The following PARD3B variants were observed in gnomAD, a reference collection of about 807,000 sequenced individuals.
The protein encoded by PARD3B is partitioning defective 3 homolog B.
A neutral mutation model predicts 130.2 loss-of-function variants in PARD3B; 103 were observed. That is an observed-to-expected ratio of 0.79 (90% CI 0.67 to 0.93). PARD3B has a LOEUF of 0.93. Ranked by LOEUF, PARD3B falls within the 40% of genes least tolerant of loss-of-function variation. The pLI is 0.00. For synonymous variants in PARD3B, 583 were observed against 553.2 expected, an observed-to-expected ratio of 1.05 and a Z score of -0.76; for missense variants, 1,609 against 1,499.2, an observed-to-expected ratio of 1.07 and a Z score of -1.21.
intron 3 of PARD3B, among the ~76,000 whole-genome samples, chr2:205,002,149 A>G (rs1357324529): frequency 1.3e-5 from 2 of 152,222 alleles, no homozygotes; most frequent in African/African-American, 4.8e-5. Context: ...TGTGGTAGAT[A>G]GCATTTATAG....
At chr2:205,198,360 A>G (rs558570869) in intron 15 of PARD3B, among the ~76,000 whole-genome samples, 1 of 152,332 alleles carries the variant, frequency 6.6e-6, no homozygotes, top group Non-Finnish European at 1.5e-5. Flanking sequence ...CTGACAATGA[A>G]GATTGTTAAC....
At chr2:205,365,380 C>CAA (rs781407029) in intron 18 of PARD3B, among the ~76,000 whole-genome samples, 2,424 of 45,642 alleles carry the variant, frequency 0.053, 35 homozygotes, top group Non-Finnish European at 0.086. Flanking sequence ...GACTCCGTCT[C>CAA]AGAAAAAAAA....
intron 2 of PARD3B, among the ~76,000 whole-genome samples, chr2:204,873,119 A>C (rs950300446): frequency 2.6e-5 from 4 of 152,216 alleles, no homozygotes; most frequent in African/African-American, 4.8e-5. Flanking sequence ...ACATAGATAG[A>C]GGTGTTACAT....
At chr2:204,764,715 C>CGCGTGTGTGTGTGT (rs1553519193) in intron 2 of PARD3B, among the ~76,000 whole-genome samples, 24 of 145,752 alleles carry the variant, frequency 1.6e-4, no homozygotes, top group Non-Finnish European at 2.4e-4. Context: ...GGCATGCATG[C>CGCGTGTGTGTGTGT]GTGTGTGTGT....
At chr2:204,621,362 C>G (rs1237328560) in intron 1 of PARD3B, among the ~76,000 whole-genome samples, 2 of 152,032 alleles carry the variant, frequency 1.3e-5, no homozygotes, top group Non-Finnish European at 2.9e-5. Flanking sequence ...GTATTTGCTC[C>G]TACCTACCCT....
chr2:204,559,584 T>C (rs2031168228), intron 1 of PARD3B, among the ~76,000 whole-genome samples: 1 of 152,224 alleles, frequency 6.6e-6, no homozygotes, highest in Admixed American at 6.5e-5. Flanking sequence ...TATTATGCTG[T>C]TGGTTGGAAT....
intron 18 of PARD3B, among the ~76,000 whole-genome samples, chr2:205,383,101 T>TAGATAGATAGAG (rs1553500275): frequency 7.6e-6 from 1 of 132,342 alleles, no homozygotes; most frequent in African/African-American, 2.6e-5. Context: ...GATAGATAGA[T>TAGATAGATAGAG]AGATAGATAG....
intron 16 of PARD3B, among the ~76,000 whole-genome samples, chr2:205,246,690 A>C (rs1179441246): frequency 6.6e-6 from 1 of 152,146 alleles, no homozygotes; most frequent in Non-Finnish European, 1.5e-5. Context: ...TTGTGTGCCA[A>C]TTATGTTTTC....
intron 16 of PARD3B, among the ~76,000 whole-genome samples, chr2:205,257,941 G>A (rs555973066): frequency 2.7e-4 from 41 of 152,206 alleles, no homozygotes; most frequent in African/African-American, 7.7e-4. Context: ...TTTCCTGTCC[G>A]TAGTCAAATG....
chr2:205,103,616 G>A (rs932094016), intron 4 of PARD3B: 11 of 713,658 alleles, frequency 1.5e-5, no homozygotes, highest in African/African-American at 1.9e-5. Flanking sequence ...CGGAGTCCAC[G>A]TGTAACAATA....
intron 2 of PARD3B, among the ~76,000 whole-genome samples, chr2:204,794,864 C>T (rs1226506479): frequency 6.6e-6 from 1 of 152,108 alleles, no homozygotes. Flanking sequence ...TTGATTATGG[C>T]CCTTGCCTTT....
chr2:204,629,588 T>G (rs2034609772), intron 1 of PARD3B, among the ~76,000 whole-genome samples: 1 of 152,052 alleles, frequency 6.6e-6, no homozygotes. Context: ...GAATCACTGA[T>G]TTTTCCAGTA....
chr2:205,518,199 T>C (rs1470187876), intron 21 of PARD3B, among the ~76,000 whole-genome samples: 1 of 152,096 alleles, frequency 6.6e-6, no homozygotes, highest in African/African-American at 2.4e-5. Flanking sequence ...CCTACTATTA[T>C]TGTGTGGGAG....
chr2:205,214,840 G>T (rs1193710485), intron 15 of PARD3B, among the ~76,000 whole-genome samples: 1 of 152,024 alleles, frequency 6.6e-6, no homozygotes, highest in Non-Finnish European at 1.5e-5. Flanking sequence ...ATATCTAAAT[G>T]TGTATCCCTT....
intron 15 of PARD3B, among the ~76,000 whole-genome samples, chr2:205,214,760 A>G (rs954248498): frequency 2.6e-5 from 4 of 152,144 alleles, no homozygotes; most frequent in Admixed American, 6.6e-5. Context: ...TACAGTAGCC[A>G]GCATAACTTC....
At chr2:205,602,555 C>G (rs2054829922) in intron 22 of PARD3B, among the ~76,000 whole-genome samples, 1 of 152,046 alleles carries the variant, frequency 6.6e-6, no homozygotes, top group South Asian at 2.1e-4. Flanking sequence ...AATTTCAGAG[C>G]CCATTGGTCT....
intron 18 of PARD3B, among the ~76,000 whole-genome samples, chr2:205,380,511 AAT>A (rs2045318987): frequency 5.1e-5 from 2 of 39,576 alleles, no homozygotes; most frequent in Non-Finnish European, 7.7e-5. Context: ...TATTATATAT[AAT>A]ATATAAAGAA....
At chr2:205,189,363 AC>A (rs1468089142) in intron 14 of PARD3B, among the ~76,000 whole-genome samples, 1 of 152,136 alleles carries the variant, frequency 6.6e-6, no homozygotes, top group Non-Finnish European at 1.5e-5. Flanking sequence ...CTGGTTTGTC[AC>A]CATAGTCAAA....
At chr2:205,501,647 T>A (rs2160382) in intron 21 of PARD3B, among the ~76,000 whole-genome samples, 67,099 of 151,998 alleles carry the variant, frequency 0.44, 15,491 homozygotes, top group South Asian at 0.6. Flanking sequence ...TCTCAAAACC[T>A]CTATGAATTC....
Sources: gnomAD v4.1 joint callset for allele counts (sites outside exome capture counted in the v4.1 genomes callset) on GRCh38, gnomAD v4.1.1 for gene constraint, MANE v1.5 for transcripts, NCBI Gene and HGNC (gene_info 2026-07-23, HGNC 2026-07-21) for gene names.